The following FOXP1 variants were observed in gnomAD, a reference collection of about 807,000 sequenced individuals.
FOXP1 encodes the protein forkhead box protein P1.
A neutral mutation model predicts 98.2 loss-of-function variants in FOXP1; 15 were observed. That is an observed-to-expected ratio of 0.15 (90% confidence interval 0.10 to 0.24). FOXP1 has a LOEUF of 0.24. FOXP1 is among the 10% of genes least tolerant of loss of function. The probability of loss-of-function intolerance (pLI) is 1.00; values close to 1 mark genes in which losing one functional copy is unlikely to be tolerated. For missense variants in FOXP1, 633 were observed against 848.5 expected (o/e 0.75, Z 3.15); for synonymous variants, 371 against 314.5 (o/e 1.18, Z -1.90).
At chr3:71,364,535 G>T (rs1016480800) in intron 3 of FOXP1, among the ~76,000 whole-genome samples, 4 of 152,142 alleles carry the variant, frequency 2.6e-5, no homozygotes, top group African/African-American at 4.8e-5. Context: ...TGTTGCTGTT[G>T]AATTGGCTTT....
intron 3 of FOXP1, among the ~76,000 whole-genome samples, chr3:71,423,019 T>G (rs1228641637): frequency 6.6e-6 from 1 of 152,174 alleles, no homozygotes; most frequent in Non-Finnish European, 1.5e-5. Context: ...AAGAGCTGCC[T>G]GAAGCCCAAC....
intron 6 of FOXP1, among the ~76,000 whole-genome samples, chr3:71,191,922 G>T (rs996988556): frequency 2.0e-5 from 3 of 152,140 alleles, no homozygotes; most frequent in Non-Finnish European, 4.4e-5. Context: ...TTTGAACTAT[G>T]CAAGGTCTTC....
intron 6 of FOXP1, among the ~76,000 whole-genome samples, chr3:71,152,602 T>C (rs771857826): frequency 6.6e-6 from 1 of 152,232 alleles, no homozygotes; most frequent in Admixed American, 6.5e-5. Flanking sequence ...CACACAGACC[T>C]GCTCCTGTGC....
intron 2 of FOXP1, among the ~76,000 whole-genome samples, chr3:71,546,145 A>T (rs2045341436): frequency 6.6e-6 from 1 of 151,898 alleles, no homozygotes. Context: ...ACCTCCCCAC[A>T]CTCCAACATC....
intron 7 of FOXP1, among the ~76,000 whole-genome samples, chr3:71,095,875 GAAAAGGAGATGAACTGTAC>G (rs1202514242): frequency 6.6e-6 from 1 of 152,128 alleles, no homozygotes; most frequent in Non-Finnish European, 1.5e-5. Flanking sequence ...AATGTGTAGA[GAAAAGGAGATGAACTGTAC>G]ATTTTAAATC....
intron 2 of FOXP1, chr3:71,581,312 A>G (rs1330834397): frequency 6.1e-6 from 6 of 985,288 alleles, no homozygotes; most frequent in Middle Eastern, 5.2e-4. Context: ...ACTCCACGCT[A>G]AACTTTGATC....
chr3:71,070,278 G>GAGT (rs949345235), intron 7 of FOXP1, among the ~76,000 whole-genome samples: 60 of 152,182 alleles, frequency 3.9e-4, no homozygotes, highest in African/African-American at 1.4e-3. Context: ...CACAGCAGGG[G>GAGT]AGTGCCAAAC....
chr3:71,538,189 A>G (rs1216509289), intron 2 of FOXP1, among the ~76,000 whole-genome samples: 1 of 152,256 alleles, frequency 6.6e-6, no homozygotes, highest in Non-Finnish European at 1.5e-5. Context: ...TTCACATGCC[A>G]TAAAATTCAC....
intron 6 of FOXP1, among the ~76,000 whole-genome samples, chr3:71,192,646 T>A (rs544810816): frequency 6.6e-6 from 1 of 152,224 alleles, no homozygotes; most frequent in African/African-American, 2.4e-5. Flanking sequence ...CATTTGCTTG[T>A]GTATTTTTTG....
intron 3 of FOXP1, among the ~76,000 whole-genome samples, chr3:71,486,121 G>C (rs1365995865): frequency 1.3e-5 from 2 of 151,928 alleles, no homozygotes; most frequent in Non-Finnish European, 2.9e-5. Flanking sequence ...GCCCAACTTG[G>C]AATAAAACCC....
intron 5 of FOXP1, among the ~76,000 whole-genome samples, chr3:71,261,383 G>A (rs1304071796): frequency 6.6e-6 from 1 of 150,532 alleles, no homozygotes; most frequent in African/African-American, 2.4e-5. Flanking sequence ...GCCAATTCTT[G>A]TATTATTTTC....
intron 3 of FOXP1, among the ~76,000 whole-genome samples, chr3:71,466,585 A>AT (rs147634236): frequency 6.6e-6 from 1 of 151,752 alleles, no homozygotes; most frequent in Non-Finnish European, 1.5e-5. Flanking sequence ...TTTCAGCGGA[A>AT]TTTTTTTTTC....
At chr3:71,322,666 C>T (rs1275773035) in intron 4 of FOXP1, among the ~76,000 whole-genome samples, 1 of 152,044 alleles carries the variant, frequency 6.6e-6, no homozygotes, top group Non-Finnish European at 1.5e-5. Context: ...TTCTTGGTGA[C>T]CGGCATGGAA....
intron 5 of FOXP1, among the ~76,000 whole-genome samples, chr3:71,211,391 A>C (rs2064448079): frequency 6.6e-6 from 1 of 152,082 alleles, no homozygotes; most frequent in African/African-American, 2.4e-5. Flanking sequence ...TTTTTAGTAC[A>C]GACAGGGTTT....
At chr3:71,168,952 G>T (rs2061514126) in intron 6 of FOXP1, among the ~76,000 whole-genome samples, 1 of 152,180 alleles carries the variant, frequency 6.6e-6, no homozygotes, top group African/African-American at 2.4e-5. Flanking sequence ...GAGAAATAGA[G>T]AAGAGTTTCT....
chr3:71,104,159 T>C (rs2057231977), intron 7 of FOXP1, among the ~76,000 whole-genome samples: 1 of 152,184 alleles, frequency 6.6e-6, no homozygotes, highest in Non-Finnish European at 1.5e-5. Flanking sequence ...TGGAGAATAC[T>C]GAGCAAGCCT....
chr3:71,080,752 G>GATTC (rs1404937007), intron 7 of FOXP1, among the ~76,000 whole-genome samples: 1 of 152,092 alleles, frequency 6.6e-6, no homozygotes, highest in Non-Finnish European at 1.5e-5. Flanking sequence ...CTTCATTTGT[G>GATTC]ATTCATCTCC....
chr3:71,273,606 T>A (rs1467511383), intron 5 of FOXP1, among the ~76,000 whole-genome samples: 1 of 152,138 alleles, frequency 6.6e-6, no homozygotes, highest in Non-Finnish European at 1.5e-5. Flanking sequence ...AGAACAAAGT[T>A]TCTGATGACA....
At chr3:71,524,081 C>T (rs1221765019) in intron 2 of FOXP1, among the ~76,000 whole-genome samples, 1 of 152,160 alleles carries the variant, frequency 6.6e-6, no homozygotes, top group African/African-American at 2.4e-5. Flanking sequence ...CAGTGAGTGA[C>T]GGGACAGACA....
Sources: allele counts gnomAD v4.1 joint callset (sites outside exome capture counted in the v4.1 genomes callset), GRCh38; gene constraint gnomAD v4.1.1; transcripts MANE v1.5; gene names NCBI Gene and HGNC (gene_info 2026-07-23, HGNC 2026-07-21).